Variants in RPS6KC1 observed in about 807,000 individuals in gnomAD.
RPS6KC1 encodes inactive ribosomal protein S6 kinase delta-1.
RPS6KC1 carries 54 observed loss-of-function variants against 103.8 expected under a neutral mutation model. The ratio of observed to expected loss-of-function variants is 0.52; its 90% CI spans 0.42 to 0.65. The LOEUF is 0.65. Ranked by LOEUF, RPS6KC1 falls within the 30% of genes least tolerant of loss-of-function variation. RPS6KC1 has a pLI of 0.00. For synonymous variants in RPS6KC1, 439 were observed against 438.7 expected, an observed-to-expected ratio of 1.00 and a Z score of -0.01; for missense variants, 1,151 against 1,253.8, an observed-to-expected ratio of 0.92 and a Z score of 1.24.
the RPS6KC1 span, among the ~76,000 whole-genome samples, chr1:213,659,637 GT>G: frequency 0.027 from 3,898 of 142,350 alleles, 146 homozygotes; most frequent in African/African-American, 0.086. Flanking sequence ...TGTATTCAGG[GT>G]TTTTTTTTTT....
chr1:213,785,177 T>C, the RPS6KC1 span, among the ~76,000 whole-genome samples: 3 of 152,196 alleles, frequency 2.0e-5, no homozygotes, highest in Non-Finnish European at 4.4e-5. Flanking sequence ...AAAAATCTTA[T>C]GTATTATAGC....
At chr1:213,605,235 A>T in the RPS6KC1 span, among the ~76,000 whole-genome samples, 263 of 152,310 alleles carry the variant, frequency 1.7e-3, 2 homozygotes, top group Non-Finnish European at 1.8e-3. Flanking sequence ...CTTAGTAGCC[A>T]TTTGAAAAAC....
intron 14 of RPS6KC1, among the ~76,000 whole-genome samples, chr1:213,265,837 A>T (rs1167518031): frequency 6.6e-6 from 1 of 152,226 alleles, no homozygotes; most frequent in Admixed American, 6.5e-5. Flanking sequence ...TGCAGATCTC[A>T]CTTTTGTGAG....
the RPS6KC1 span, among the ~76,000 whole-genome samples, chr1:213,493,885 A>G: frequency 6.6e-6 from 1 of 152,130 alleles, no homozygotes; most frequent in Non-Finnish European, 1.5e-5. Context: ...ACATTGTTTC[A>G]GAGTTTCAGA....
chr1:213,390,727 A>G, the RPS6KC1 span, among the ~76,000 whole-genome samples: 2 of 152,204 alleles, frequency 1.3e-5, no homozygotes, highest in Non-Finnish European at 2.9e-5. Flanking sequence ...AGCACTTTGC[A>G]AAGGATCTAT....
At chr1:213,235,747 C>T (rs987665064) in intron 10 of RPS6KC1, among the ~76,000 whole-genome samples, 1 of 152,034 alleles carries the variant, frequency 6.6e-6, no homozygotes, top group African/African-American at 2.4e-5. Context: ...CATTGTAGGC[C>T]ACGTTAAGAA....
the RPS6KC1 span, among the ~76,000 whole-genome samples, chr1:213,817,001 T>A: frequency 5.9e-5 from 9 of 152,314 alleles, no homozygotes; most frequent in East Asian, 1.4e-3. Context: ...TTCTCCCTTA[T>A]AGGGGAGTAA....
the RPS6KC1 span, among the ~76,000 whole-genome samples, chr1:213,854,206 G>C: frequency 1.3e-5 from 2 of 152,226 alleles, no homozygotes; most frequent in African/African-American, 2.4e-5. Context: ...CATACCAGGG[G>C]ATTGCTGCCT....
chr1:213,683,114 A>G, the RPS6KC1 span, among the ~76,000 whole-genome samples: 1 of 152,240 alleles, frequency 6.6e-6, no homozygotes, highest in Non-Finnish European at 1.5e-5. Flanking sequence ...TTAAAAATAC[A>G]TAAGGTATTT....
chr1:213,544,852 C>A, the RPS6KC1 span, among the ~76,000 whole-genome samples: 1 of 152,176 alleles, frequency 6.6e-6, no homozygotes, highest in East Asian at 1.9e-4. Flanking sequence ...CCTAGTCTTT[C>A]TGTCTCCAAA....
the RPS6KC1 span, among the ~76,000 whole-genome samples, chr1:213,364,789 A>G: frequency 0.039 from 6,005 of 152,078 alleles, 156 homozygotes; most frequent in Non-Finnish European, 0.049. Context: ...CCGTGTCTCT[A>G]CTAAAAAAAA....
the RPS6KC1 span, among the ~76,000 whole-genome samples, chr1:213,326,520 A>G: frequency 7.5e-4 from 114 of 152,292 alleles, no homozygotes; most frequent in African/African-American, 2.5e-3. Flanking sequence ...CCAAATGTTC[A>G]CTGACACTAA....
chr1:213,119,618 A>G (rs1286780198), intron 5 of RPS6KC1, among the ~76,000 whole-genome samples: 1 of 151,544 alleles, frequency 6.6e-6, no homozygotes, highest in Non-Finnish European at 1.5e-5. Flanking sequence ...TCTGATATCT[A>G]TAATAAGCTT....
the RPS6KC1 span, among the ~76,000 whole-genome samples, chr1:213,763,484 A>G: frequency 6.6e-6 from 1 of 152,184 alleles, no homozygotes; most frequent in South Asian, 2.1e-4. Flanking sequence ...ACATGGACCC[A>G]AGGTCAATTC....
the RPS6KC1 span, among the ~76,000 whole-genome samples, chr1:213,424,812 C>T: frequency 6.6e-6 from 1 of 152,242 alleles, no homozygotes; most frequent in East Asian, 1.9e-4. Flanking sequence ...AGCCCCTTCC[C>T]ATCCTTCTTC....
intron 8 of RPS6KC1, among the ~76,000 whole-genome samples, chr1:213,208,793 T>G (rs1347936881): frequency 6.6e-6 from 1 of 151,658 alleles, no homozygotes; most frequent in Non-Finnish European, 1.5e-5. Flanking sequence ...ATTCCACATC[T>G]TCAGAGGTTG....
At chr1:213,755,485 G>A in the RPS6KC1 span, among the ~76,000 whole-genome samples, 95 of 152,190 alleles carry the variant, frequency 6.2e-4, no homozygotes, top group African/African-American at 2.1e-3. Flanking sequence ...TCCCACATTT[G>A]CATGCCTCCA....
chr1:213,168,707 C>T (rs533084248), intron 7 of RPS6KC1, among the ~76,000 whole-genome samples: 1 of 152,134 alleles, frequency 6.6e-6, no homozygotes, highest in South Asian at 2.1e-4. Context: ...ACTGCAAGCT[C>T]CGCCTCCCGG....
the RPS6KC1 span, among the ~76,000 whole-genome samples, chr1:213,856,691 G>T: frequency 2.0e-5 from 3 of 152,286 alleles, no homozygotes; most frequent in Non-Finnish European, 4.4e-5. Context: ...AACACAATCT[G>T]TTAAGGAAAC....
Sources: allele counts gnomAD v4.1 joint callset (sites outside exome capture counted in the v4.1 genomes callset), GRCh38; gene constraint gnomAD v4.1.1; transcripts MANE v1.5; gene names NCBI Gene and HGNC (gene_info 2026-07-23, HGNC 2026-07-21).